TCF7L2: variants seen among roughly 807,000 people sequenced by gnomAD.
TCF7L2 encodes the protein transcription factor 7 like 2, also known as transcription factor 7-like 2.
TCF7L2 carries 23 observed loss-of-function variants against 77.9 expected under a neutral mutation model. The ratio of observed to expected loss-of-function variants is 0.30; its 90% CI spans 0.21 to 0.42. The LOEUF (loss-of-function observed/expected upper bound fraction) is 0.42, where lower values mean the gene tolerates loss of function less well. TCF7L2 is among the 10% of genes least tolerant of loss of function. TCF7L2 has a pLI of 1.00. For missense variants in TCF7L2, 654 were observed against 793.1 expected, an observed-to-expected ratio of 0.82 and a Z score of 2.11; for synonymous variants, 413 against 340.2, an observed-to-expected ratio of 1.21 and a Z score of -2.36.
rs553930985 is a variant in TCF7L2, at chr10:113,012,701, G to T, written c.451-27324G>T. On this transcript the variant is annotated intron_variant, in intron 4 of 13. Transcript: ENST00000627217. Reference sequence around the variant, plus strand: ...TAACAGCTTTGTCATTTACATACAAGCACCTGCCTGGCTAAACCATTCATT... The same window carrying T: ...TAACAGCTTTGTCATTTACATACAATCACCTGCCTGGCTAAACCATTCATT... 5.3e-5 allele frequency among the ~76,000 whole-genome samples: 8 copies of T among 152,292 alleles called. No homozygotes were observed. The South Asian group carries it at 1.7e-3, about 32-fold the overall frequency.
intron 4 of TCF7L2, among the ~76,000 whole-genome samples, chr10:113,025,038 TGTG>T (rs1188579855): frequency 1.3e-5 from 2 of 152,018 alleles, no homozygotes; most frequent in Non-Finnish European, 2.9e-5. Flanking sequence ...CTTTTCCACT[TGTG>T]GTGTCAAATT....
In TCF7L2 at chr10:113,040,274, A is replaced by G. The variant is rs2052207183; in HGVS notation, c.552+148A>G. 5 of 692,806 alleles carry G rather than the reference A, an allele frequency of 7.2e-6. No homozygotes were observed. In the Admixed American group the frequency reaches 9.9e-5, roughly 14 times the overall value. 42.9% of individuals were successfully genotyped at this position (692,806 alleles called of 1,614,324 possible). A position where few individuals can be genotyped will look rare whatever the true frequency, so the allele number is the denominator to read the frequency against. ...ATATTGTTGGGTATAGTTTATATCT[A>G]TAAGGTATTCATTTTCTGCTATTGG... On this transcript the variant is annotated intron_variant, in intron 5 of 13. Transcript: ENST00000627217.
chr10:113,010,054 A>G (rs1195087048), intron 4 of TCF7L2, among the ~76,000 whole-genome samples: 2 of 151,512 alleles, frequency 1.3e-5, no homozygotes, highest in African/African-American at 2.4e-5. Flanking sequence ...GCTGGAACAC[A>G]CCTTTGGGGA....
intron 5 of TCF7L2, among the ~76,000 whole-genome samples, chr10:113,046,401 T>C (rs2053466087): frequency 6.6e-6 from 1 of 152,190 alleles, no homozygotes; most frequent in South Asian, 2.1e-4. Flanking sequence ...GGGGGCTCTA[T>C]CTCCTGGTGG....
At chr10:113,152,614 C>T (rs1340475612) in intron 11 of TCF7L2, among the ~76,000 whole-genome samples, 174 bp downstream of exon 11, 1 of 152,158 alleles carries the variant, frequency 6.6e-6, no homozygotes, top group East Asian at 1.9e-4. Flanking sequence ...GGAGGGGCTT[C>T]CCGTGTGGAT....
At chr10:113,026,363 G>C (rs2049170711) in intron 4 of TCF7L2, among the ~76,000 whole-genome samples, 1 of 151,198 alleles carries the variant, frequency 6.6e-6, no homozygotes, top group Non-Finnish European at 1.5e-5. Flanking sequence ...GTTTCAACAA[G>C]TTGGTCAGGC....
intron 7 of TCF7L2, among the ~76,000 whole-genome samples, chr10:113,144,959 A>G (rs2069068434): frequency 6.6e-6 from 1 of 152,188 alleles, no homozygotes; most frequent in African/African-American, 2.4e-5. Flanking sequence ...ACAACACAGG[A>G]CAATACATTG....
chr10:112,964,731 T>C, intron 4 of TCF7L2, 107 bp downstream of exon 4: 1 of 906,740 alleles, frequency 1.1e-6, no homozygotes, highest in Non-Finnish European at 1.7e-6. Flanking sequence ...ATGATGATGA[T>C]GATGATGATG....
Position 112,951,621 on chromosome 10 carries a change from C to CGCCCGGCCCCCGCCCGCT in TCF7L2, c.381+20_381+37dup. The CGCCCGGCCCCCGCCCGCT allele has an allele frequency of 8.3e-7, 1 of 1,203,132 alleles. No homozygotes were observed. The highest frequency in any genetic ancestry group is 1.1e-6 in the Non-Finnish European group (1 of 945,414). The allele number at this position is 1,203,132 out of a possible 1,614,324, so 74.5% of individuals were successfully genotyped here. On this transcript the variant is annotated intron_variant, in intron 3 of 13. Coordinates refer to ENST00000627217, the MANE Select transcript of TCF7L2 (RefSeq NM_001146274.2). ...ACCGCCCGAACCGTAAGTGCCTCCG[C>CGCCCGGCCCCCGCCCGCT]GCCCGGCCCCCGCCCGCTGCCCGCC...
intron 4 of TCF7L2, among the ~76,000 whole-genome samples, chr10:113,004,116 A>C (rs930440047): frequency 4.6e-5 from 7 of 152,158 alleles, no homozygotes; most frequent in African/African-American, 1.7e-4. Context: ...AAGAGATTCC[A>C]CCAGTTCATT....
intron 4 of TCF7L2, among the ~76,000 whole-genome samples, chr10:112,973,089 T>C (rs2038636904): frequency 1.3e-5 from 2 of 152,180 alleles, no homozygotes; most frequent in African/African-American, 4.8e-5. Context: ...TACAGAATCC[T>C]GGGTTCTACT....
Position 113,097,654 on chromosome 10 carries a change from A to AAAAAAACAAAAAAAAAAAAAC in TCF7L2, c.553-43524_553-43523insCAAAAAAAAAAAAACAAAAAA, listed in dbSNP as rs1564890089. 2.4e-3 allele frequency among the ~76,000 whole-genome samples: 305 copies of AAAAAAACAAAAAAAAAAAAAC among 129,196 alleles called. 7 individuals are homozygous for AAAAAAACAAAAAAAAAAAAAC. Among genetic ancestry groups the AAAAAAACAAAAAAAAAAAAAC allele is most frequent in the African/African-American group, 8.8e-3 (291 of 33,182 alleles). 84.8% of individuals were successfully genotyped at this position (129,196 alleles called of 152,430 possible). A position where few individuals can be genotyped will look rare whatever the true frequency, so the allele number is the denominator to read the frequency against. On this transcript the variant is annotated intron_variant, in intron 5 of 13. Transcript: ENST00000627217. ...GTAAGACTCTTGTCTCGGAAAAAAA[A>AAAAAAACAAAAAAAAAAAAAC]AAAAAAAAAAAAAAAAAAAACAACC...
intron 11 of TCF7L2, among the ~76,000 whole-genome samples, chr10:113,155,650 T>A (rs1325442957): frequency 6.6e-6 from 1 of 152,236 alleles, no homozygotes. Flanking sequence ...GGATGCTTTT[T>A]CACACATGGC....
At chr10:113,008,974 C>T (rs1464977212) in intron 4 of TCF7L2, among the ~76,000 whole-genome samples, 1 of 152,150 alleles carries the variant, frequency 6.6e-6, no homozygotes, top group African/African-American at 2.4e-5. Flanking sequence ...CTGAGTCTTG[C>T]TCTGTTGCCC....
At chr10:112,966,189 TA>T (rs2036816031) in intron 4 of TCF7L2, among the ~76,000 whole-genome samples, 6 of 76,264 alleles carry the variant, frequency 7.9e-5, no homozygotes, top group African/African-American at 1.7e-4. Context: ...TATATTTATA[TA>T]TATATATATA....
chr10:113,107,687 G>A (rs1382253843), intron 5 of TCF7L2, among the ~76,000 whole-genome samples: 1 of 136,718 alleles, frequency 7.3e-6, no homozygotes, highest in Non-Finnish European at 1.6e-5. Flanking sequence ...AGCTTACAGC[G>A]AGCTTGCAGT....
chr10:113,128,818 CAAGTT>C (rs2066084085), intron 5 of TCF7L2, among the ~76,000 whole-genome samples: 1 of 152,156 alleles, frequency 6.6e-6, no homozygotes, highest in African/African-American at 2.4e-5. Flanking sequence ...TGTCTCAACT[CAAGTT>C]AAGTTAAAAC....
At chr10:112,968,739 C>G (rs990012200) in intron 4 of TCF7L2, among the ~76,000 whole-genome samples, 1 of 152,064 alleles carries the variant, frequency 6.6e-6, no homozygotes, top group Non-Finnish European at 1.5e-5. Flanking sequence ...CCACCACGTT[C>G]GGCTCATTTT....
intron 5 of TCF7L2, among the ~76,000 whole-genome samples, chr10:113,087,337 C>G (rs1051043697): frequency 1.3e-5 from 2 of 152,236 alleles, no homozygotes; most frequent in South Asian, 4.1e-4. Flanking sequence ...TTTGGTAACT[C>G]TGCCTCTTTG....
Sources: gnomAD v4.1 joint callset for allele counts (sites outside exome capture counted in the v4.1 genomes callset) on GRCh38, gnomAD v4.1.1 for gene constraint, MANE v1.5 for transcripts, NCBI Gene and HGNC (gene_info 2026-07-23, HGNC 2026-07-21) for gene names.